Variants in ANXA8 observed in about 807,000 individuals in gnomAD.
ANXA8 encodes annexin A8.
In ANXA8, 9 loss-of-function variants were observed where a neutral mutation model predicts 26.8. The ratio of observed to expected loss-of-function variants is 0.34; its 90% confidence interval spans 0.20 to 0.59. The LOEUF (loss-of-function observed/expected upper bound fraction) is 0.59, where lower values mean the gene tolerates loss of function less well. ANXA8 is among the 20% of genes least tolerant of loss of function. The pLI, the probability that ANXA8 is intolerant of heterozygous loss-of-function variation, is 0.84. For synonymous variants in ANXA8, 39 were observed against 94.8 expected (o/e 0.41, Z 3.42); for missense variants, 83 against 238.5 (o/e 0.35, Z 4.29).
chr10:47,653,045 C>T, the ANXA8 span, among the ~76,000 whole-genome samples: 1 of 151,310 alleles, frequency 6.6e-6, no homozygotes, highest in South Asian at 2.1e-4. Context: ...TGTGCAGTGG[C>T]TCACGCCTAT....
chr10:47,701,838 C>G, the ANXA8 span, among the ~76,000 whole-genome samples: 1 of 150,912 alleles, frequency 6.6e-6, no homozygotes, highest in Non-Finnish European at 1.5e-5. Context: ...CAAATGAACC[C>G]AATATTGTTA....
chr10:47,585,258 C>T, the ANXA8 span, among the ~76,000 whole-genome samples: 1 of 46,804 alleles, frequency 2.1e-5, no homozygotes, highest in Admixed American at 3.2e-4. Flanking sequence ...AGCGAGACTC[C>T]ATCTCAAAAA....
chr10:47,711,662 C>A, the ANXA8 span, among the ~76,000 whole-genome samples: 1 of 142,886 alleles, frequency 7.0e-6, no homozygotes, highest in African/African-American at 2.8e-5. Flanking sequence ...ACCACCATAG[C>A]CTGGCTGAGA....
chr10:47,658,406 A>G, the ANXA8 span, among the ~76,000 whole-genome samples: 4 of 150,348 alleles, frequency 2.7e-5, no homozygotes, highest in Admixed American at 1.3e-4. Context: ...AAAATCATGT[A>G]TATAGGACAG....
At chr10:47,671,584 T>C in the ANXA8 span, among the ~76,000 whole-genome samples, 2 of 151,824 alleles carry the variant, frequency 1.3e-5, no homozygotes, top group Non-Finnish European at 2.9e-5. Flanking sequence ...CGTGAATTAT[T>C]TTCATTAATC....
chr10:47,958,782 G>C, the ANXA8 span, among the ~76,000 whole-genome samples: 4 of 148,704 alleles, frequency 2.7e-5, no homozygotes, highest in Admixed American at 2.7e-4. Context: ...GCAGGAGAGA[G>C]AATGAGTGTT....
chr10:47,981,879 T>C, the ANXA8 span, among the ~76,000 whole-genome samples: 6 of 152,192 alleles, frequency 3.9e-5, no homozygotes, highest in African/African-American at 1.2e-4. Flanking sequence ...ACAGATTCAA[T>C]GCAATCTTGA....
At chr10:47,699,960 T>C in the ANXA8 span, among the ~76,000 whole-genome samples, 1 of 151,742 alleles carries the variant, frequency 6.6e-6, no homozygotes, top group Non-Finnish European at 1.5e-5. Context: ...ACAAGAAATA[T>C]GCAAAGCCTA....
the ANXA8 span, among the ~76,000 whole-genome samples, chr10:47,684,431 G>GGC: frequency 1.1e-4 from 16 of 147,094 alleles, no homozygotes; most frequent in African/African-American, 2.8e-4. Flanking sequence ...TTTGGGGGGG[G>GGC]GGTGAGGAGG....
the ANXA8 span, among the ~76,000 whole-genome samples, chr10:47,672,320 A>G: frequency 1.3e-5 from 2 of 151,594 alleles, no homozygotes; most frequent in Admixed American, 1.3e-4. Flanking sequence ...AAGTGTACAC[A>G]GAACGATATA....
chr10:47,566,447 C>A, the ANXA8 span, among the ~76,000 whole-genome samples: 2 of 151,798 alleles, frequency 1.3e-5, no homozygotes, highest in African/African-American at 4.9e-5. Flanking sequence ...CTTCCCCCAC[C>A]CACCGCCCCT....
chr10:47,986,459 C>G, the ANXA8 span: 7 of 267,164 alleles, frequency 2.6e-5, no homozygotes, highest in Non-Finnish European at 5.2e-5. Context: ...TTGTTTCTTA[C>G]TGATGAAGTT....
At chr10:47,620,864 G>A in the ANXA8 span, among the ~76,000 whole-genome samples, 4 of 108,954 alleles carry the variant, frequency 3.7e-5, 2 homozygotes. Flanking sequence ...TTACAAGGGA[G>A]AAACCTAGAC....
chr10:47,591,668 G>C, the ANXA8 span, among the ~76,000 whole-genome samples: 10 of 140,392 alleles, frequency 7.1e-5, 1 homozygote, highest in African/African-American at 3.0e-4. Context: ...GGATGATCTC[G>C]ATCTCCTGAC....
the ANXA8 span, among the ~76,000 whole-genome samples, chr10:47,660,548 A>T: frequency 9.9e-5 from 15 of 151,568 alleles, no homozygotes; most frequent in African/African-American, 3.7e-4. Flanking sequence ...TCACAGGTAT[A>T]TGTCACCATG....
At chr10:47,743,317 TATATATATATAC>T in the ANXA8 span, among the ~76,000 whole-genome samples, 95 of 40,540 alleles carry the variant, frequency 2.3e-3, 1 homozygote, top group Middle Eastern at 0.014. Context: ...TATATACACA[TATATATATATAC>T]ATATATATAT....
chr10:47,975,170 G>C, the ANXA8 span, among the ~76,000 whole-genome samples: 1 of 149,308 alleles, frequency 6.7e-6, no homozygotes, highest in Admixed American at 6.7e-5. Context: ...ATAAGGGATA[G>C]AAAGTATCTT....
the ANXA8 span, among the ~76,000 whole-genome samples, chr10:47,982,831 T>TATATATATAA: frequency 1.4e-5 from 1 of 71,154 alleles, no homozygotes; most frequent in African/African-American, 4.8e-5. Flanking sequence ...TATATATATA[T>TATATATATAA]ATAAAATTTG....
chr10:47,485,760 G>T (rs1384903633), upstream of ANXA8, among the ~76,000 whole-genome samples: 2 of 151,834 alleles, frequency 1.3e-5, no homozygotes, highest in African/African-American at 4.9e-5. Flanking sequence ...AGAGGGCCAG[G>T]CATCTTGCCC....
Sources: allele counts gnomAD v4.1 joint callset (sites outside exome capture counted in the v4.1 genomes callset), GRCh38; gene constraint gnomAD v4.1.1; transcripts MANE v1.5; gene names NCBI Gene and HGNC (gene_info 2026-07-23, HGNC 2026-07-21).